Variants in OR3A2 observed in about 807,000 individuals in gnomAD.
OR3A2 encodes olfactory receptor 3A2.
For synonymous variants in OR3A2, 126 were observed against 159.3 expected (o/e 0.79, Z 1.57); for missense variants, 318 against 392.8 (o/e 0.81, Z 1.61).
At chr17:3,338,654 T>C (rs1259056334) in intron 2 of OR3A2, among the ~76,000 whole-genome samples, 1 of 152,206 alleles carries the variant, frequency 6.6e-6, no homozygotes, top group African/African-American at 2.4e-5. Context: ...ACCAGTACCA[T>C]GCTGTTTTGG....
intron 1 of OR3A2, among the ~76,000 whole-genome samples, chr17:3,282,937 G>C (rs145255473): frequency 6.6e-6 from 1 of 152,202 alleles, no homozygotes; most frequent in East Asian, 1.9e-4. Context: ...CTCAAATGCT[G>C]ACTGATGAAT....
intron 2 of OR3A2, among the ~76,000 whole-genome samples, chr17:3,346,837 C>T (rs957013124): frequency 6.6e-6 from 1 of 152,142 alleles, no homozygotes. Context: ...TAAGGACCTC[C>T]AGTTCCATCC....
At chr17:3,292,466 C>A (rs772319639) in intron 3 of OR3A2, 7 of 1,613,618 alleles carry the variant, frequency 4.3e-6, no homozygotes, top group Non-Finnish European at 5.9e-6. Context: ...TGACCGTGAC[C>A]AGGTAGGCAA....
chr17:3,371,191 G>A (rs1206554964), intron 2 of OR3A2, among the ~76,000 whole-genome samples: 13 of 151,986 alleles, frequency 8.6e-5, no homozygotes, highest in Admixed American at 2.0e-4. Context: ...CAGTAGGGGC[G>A]GCCGGGCAGA....
intron 2 of OR3A2, among the ~76,000 whole-genome samples, chr17:3,362,225 T>C (rs1482858546): frequency 6.6e-6 from 1 of 151,814 alleles, no homozygotes; most frequent in Admixed American, 6.6e-5. Flanking sequence ...TAGTATTCTC[T>C]GACAGTAGTT....
Position 3,337,724 on chromosome 17 carries a change from A to C in OR3A2, c.-178-1598T>G, listed in dbSNP as rs540093850. Among the ~76,000 whole-genome samples, 8 of 152,288 alleles carry C rather than the reference A, an allele frequency of 5.3e-5. No individual in the cohort carries two copies. The South Asian group carries it at 1.7e-3, about 32-fold the overall frequency. ...AGTCTTTGGTATTGTGAATAGTGCC[A>C]CAATAAACATACGTGTGCATGTGTC... On this transcript the variant is annotated intron_variant, in intron 2 of 4. Transcript: ENST00000573491.
intron 3 of OR3A2, among the ~76,000 whole-genome samples, chr17:3,305,620 G>T (rs1481991268): frequency 6.6e-6 from 1 of 152,122 alleles, no homozygotes; most frequent in Non-Finnish European, 1.5e-5. Flanking sequence ...GTATGCAATG[G>T]TTAAGTGAAT....
Position 3,375,139 on chromosome 17 carries a change from C to CTTTTTTTTT in OR3A2, c.-179+8656_-179+8664dup. On this transcript the variant is annotated intron_variant, in intron 2 of 4. Transcript: ENST00000573491. ...TATCTGGCAATTCAGAGCCTTCTTCCTTTTTTTTTTTTTTTTTTTTTTTTT... is the reference window on the plus strand; with the variant it reads ...TATCTGGCAATTCAGAGCCTTCTTCCTTTTTTTTTTTTTTTTTTTTTTTTTTTTTTTTTT... 3.3e-3 allele frequency among the ~76,000 whole-genome samples: 94 copies of CTTTTTTTTT among 28,722 alleles called. 22 individuals are homozygous for CTTTTTTTTT. Among genetic ancestry groups the CTTTTTTTTT allele is most frequent in the East Asian group, 5.6e-3 (3 of 540 alleles). 18.8% of individuals were successfully genotyped at this position (28,722 alleles called of 152,430 possible). A position where few individuals can be genotyped will look rare whatever the true frequency, so the allele number is the denominator to read the frequency against.
intron 3 of OR3A2, among the ~76,000 whole-genome samples, chr17:3,309,760 G>A (rs1261997893): frequency 2.6e-5 from 4 of 152,064 alleles, no homozygotes; most frequent in Non-Finnish European, 5.9e-5. Flanking sequence ...GAAATGTCCG[G>A]ACCAAATCTC....
At chr17:3,356,043 A>G (rs2150656633) in intron 2 of OR3A2, among the ~76,000 whole-genome samples, 1 of 151,504 alleles carries the variant, frequency 6.6e-6, no homozygotes, top group Middle Eastern at 3.4e-3. Context: ...CTGTCTCATA[A>G]CCCATTATTT....
At chr17:3,345,617 A>C (rs978256352) in intron 2 of OR3A2, among the ~76,000 whole-genome samples, 2 of 152,154 alleles carry the variant, frequency 1.3e-5, no homozygotes, top group Admixed American at 1.3e-4. Flanking sequence ...ATTCATTAAA[A>C]TCAACAGAAG....
At chr17:3,332,928 T>G (rs181996867) in intron 3 of OR3A2, among the ~76,000 whole-genome samples, 1 of 152,260 alleles carries the variant, frequency 6.6e-6, no homozygotes, top group African/African-American at 2.4e-5. Flanking sequence ...TTGAACAATA[T>G]GAAATGAGTG....
At chr17:3,325,248 G>A (rs369141622) in intron 3 of OR3A2, among the ~76,000 whole-genome samples, 8 of 124,492 alleles carry the variant, frequency 6.4e-5, no homozygotes, top group Middle Eastern at 0.012. Flanking sequence ...TCGCTCTGTC[G>A]CCCAGACTGG....
intron 3 of OR3A2, chr17:3,310,190 G>T: frequency 5.1e-6 from 2 of 395,832 alleles, no homozygotes; most frequent in Non-Finnish European, 1.0e-5. Context: ...CTTCCATCCC[G>T]GCCCTGTCCT....
At chr17:3,316,865 A>C (rs1407240860) in intron 3 of OR3A2, among the ~76,000 whole-genome samples, 1 of 152,246 alleles carries the variant, frequency 6.6e-6, no homozygotes, top group African/African-American at 2.4e-5. Flanking sequence ...AGAACCTTCA[A>C]CAGAATATAT....
At chr17:3,296,298 GATA>G (rs56678981) in intron 3 of OR3A2, among the ~76,000 whole-genome samples, 2,133 of 152,178 alleles carry the variant, frequency 0.014, 32 homozygotes, top group African/African-American at 0.048. Context: ...AGAAAAAGGA[GATA>G]ATGACAGCAG....
intron 3 of OR3A2, among the ~76,000 whole-genome samples, chr17:3,328,727 G>A (rs989821137): frequency 5.6e-5 from 8 of 142,352 alleles, no homozygotes; most frequent in Admixed American, 2.1e-4. Flanking sequence ...TTTGAAATAC[G>A]TCCCATCAAT....
chr17:3,370,832 ACGAGCATGCTG>A (rs1390632221), intron 2 of OR3A2, among the ~76,000 whole-genome samples: 1 of 151,508 alleles, frequency 6.6e-6, no homozygotes, highest in African/African-American at 2.4e-5. Context: ...ATGACTCTTA[ACGAGCATGCTG>A]CCTTCAAGCA....
At chr17:3,367,108 T>G (rs1362810371) in intron 2 of OR3A2, among the ~76,000 whole-genome samples, 3 of 152,140 alleles carry the variant, frequency 2.0e-5, no homozygotes, top group Admixed American at 2.0e-4. Context: ...GCTCACAAAA[T>G]AGAGTTTGGG....
Sources: gnomAD v4.1 joint callset for allele counts (sites outside exome capture counted in the v4.1 genomes callset) on GRCh38, gnomAD v4.1.1 for gene constraint, MANE v1.5 for transcripts, NCBI Gene and HGNC (gene_info 2026-07-23, HGNC 2026-07-21) for gene names.